Variants in AFF3 observed in about 807,000 individuals in gnomAD.
The protein encoded by AFF3 is AF4/FMR2 family member 3.
AFF3 carries 32 observed loss-of-function variants against 129.7 expected under a neutral mutation model. The observed-to-expected ratio is 0.25, with a 90% CI of 0.19 to 0.33. The LOEUF (loss-of-function observed/expected upper bound fraction) is 0.33. Ranked by LOEUF, AFF3 falls within the 10% of genes least tolerant of loss-of-function variation. The pLI is 1.00. For synonymous variants in AFF3, 644 were observed against 635.4 expected (o/e 1.01, Z -0.20); for missense variants, 1,373 against 1,592.0 (o/e 0.86, Z 2.34).
intron 12 of AFF3, among the ~76,000 whole-genome samples, chr2:99,651,371 A>G (rs1425500295): frequency 2.0e-5 from 3 of 151,830 alleles, no homozygotes; most frequent in Non-Finnish European, 4.4e-5. Context: ...GACCAGGCCT[A>G]CTCAGCATGC....
At chr2:99,619,985 C>T (rs1196442335) in intron 13 of AFF3, among the ~76,000 whole-genome samples, 1 of 152,158 alleles carries the variant, frequency 6.6e-6, no homozygotes, top group African/African-American at 2.4e-5. Context: ...GTAGAGTGAC[C>T]CAAACGGGTT....
intron 13 of AFF3, among the ~76,000 whole-genome samples, chr2:99,607,243 G>C (rs989385434): frequency 1.3e-5 from 2 of 152,082 alleles, no homozygotes; most frequent in Admixed American, 1.3e-4. Flanking sequence ...TAAAAGAAAA[G>C]ATCTGGAGGC....
intron 7 of AFF3, among the ~76,000 whole-genome samples, chr2:99,886,574 A>C (rs1693128577): frequency 6.6e-6 from 1 of 152,180 alleles, no homozygotes; most frequent in Non-Finnish European, 1.5e-5. Flanking sequence ...AAAAATGTAA[A>C]AGATGCACAT....
chr2:99,925,051 A>AT (rs761300264), intron 7 of AFF3, among the ~76,000 whole-genome samples: 3 of 151,480 alleles, frequency 2.0e-5, no homozygotes, highest in African/African-American at 4.9e-5. Context: ...AATTTTTTAC[A>AT]TTTTTTTGTA....
chr2:99,640,115 T>C (rs1684053909), intron 13 of AFF3, among the ~76,000 whole-genome samples: 1 of 152,214 alleles, frequency 6.6e-6, no homozygotes, highest in South Asian at 2.1e-4. Context: ...GAAAACAGGC[T>C]CTAGTAAAAC....
chr2:100,105,999 T>A, intron 2 of AFF3: 2 of 1,323,754 alleles, frequency 1.5e-6, no homozygotes, highest in Non-Finnish European at 2.0e-6. Flanking sequence ...ACGGGATCCC[T>A]CCAGCGTCAA....
chr2:100,028,875 A>G (rs1012265351), intron 4 of AFF3, among the ~76,000 whole-genome samples: 1 of 152,130 alleles, frequency 6.6e-6, no homozygotes, highest in Admixed American at 6.5e-5. Context: ...CAAAAAATTA[A>G]AAGTAGAATT....
chr2:100,055,109 G>A (rs1686656791), intron 4 of AFF3, among the ~76,000 whole-genome samples: 1 of 152,168 alleles, frequency 6.6e-6, no homozygotes, highest in South Asian at 2.1e-4. Flanking sequence ...TATTGAGTCT[G>A]CAGTTAACCC....
At chr2:99,637,007 G>T (rs1289409540) in intron 13 of AFF3, among the ~76,000 whole-genome samples, 1 of 152,110 alleles carries the variant, frequency 6.6e-6, no homozygotes, top group Non-Finnish European at 1.5e-5. Context: ...CTGGCTCTGG[G>T]AGTCCCAGGC....
intron 14 of AFF3, 82 bp downstream of exon 14, chr2:99,601,353 G>A (rs1349515502): frequency 8.4e-6 from 12 of 1,427,552 alleles, no homozygotes; most frequent in African/African-American, 1.4e-5. Flanking sequence ...CTGCAGCAGT[G>A]TGACAGTGAC....
intron 4 of AFF3, among the ~76,000 whole-genome samples, chr2:100,009,833 C>T (rs1447564233): frequency 6.6e-6 from 1 of 152,172 alleles, no homozygotes; most frequent in South Asian, 2.1e-4. Context: ...ATAAAGAAAT[C>T]TGGCCTCCGT....
intron 18 of AFF3, among the ~76,000 whole-genome samples, chr2:99,572,081 G>A (rs763012821): frequency 4.1e-4 from 63 of 151,922 alleles, no homozygotes; most frequent in Non-Finnish European, 7.9e-4. Flanking sequence ...GGTATTTTAT[G>A]ATGACACATG....
chr2:99,650,601 G>A lies in AFF3; in HGVS notation c.1144-935C>T, dbSNP rs181877652. On this transcript the variant is annotated intron_variant, in intron 12 of 24. Coordinates refer to ENST00000672756, the MANE Select transcript of AFF3 (RefSeq NM_001386135.1). ...AATAAAAAAATTTAAAAAATACAGT[G>A]GGAGAAGGGCAGAGTGGGTGGGCAC... Among the ~76,000 whole-genome samples, 10 of 152,104 alleles carry A rather than the reference G, an allele frequency of 6.6e-5. No homozygotes were observed. In the East Asian group the frequency reaches 1.9e-3, roughly 29 times the overall value.
intron 11 of AFF3, among the ~76,000 whole-genome samples, chr2:99,714,823 T>G (rs751523842): frequency 1.3e-5 from 2 of 152,256 alleles, no homozygotes; most frequent in Non-Finnish European, 2.9e-5. Flanking sequence ...TTTAATGTTT[T>G]CTAAGATAGT....
intron 7 of AFF3, among the ~76,000 whole-genome samples, chr2:99,876,311 A>C (rs1692293206): frequency 6.6e-6 from 1 of 152,164 alleles, no homozygotes; most frequent in Non-Finnish European, 1.5e-5. Flanking sequence ...CAGAAATCTC[A>C]AAATGTCTCA....
rs117484891 is a variant in AFF3, at chr2:99,603,264, C to G, written c.1185-1643G>C. ...AATCTGTCTTTCCTGTTGGCTGAATCGAGATGGTTACTGTCATTGGAATCA... is the reference window on the plus strand; with the variant it reads ...AATCTGTCTTTCCTGTTGGCTGAATGGAGATGGTTACTGTCATTGGAATCA... On this transcript the variant is annotated intron_variant, in intron 13 of 24. Transcript: ENST00000672756. Among the ~76,000 whole-genome samples, 891 of 151,996 alleles carry G rather than the reference C, an allele frequency of 5.9e-3. 7 individuals carry two copies. Among genetic ancestry groups the G allele is most frequent in the East Asian group, 0.018 (92 of 5,178 alleles).
At chr2:99,677,619 C>T (rs372598990) in intron 11 of AFF3, among the ~76,000 whole-genome samples, 4 of 152,224 alleles carry the variant, frequency 2.6e-5, no homozygotes, top group African/African-American at 9.6e-5. Flanking sequence ...GCAGGGAGAG[C>T]GGGCCTTGCA....
chr2:100,032,521 A>C (rs1241708960), intron 4 of AFF3, among the ~76,000 whole-genome samples: 2 of 152,194 alleles, frequency 1.3e-5, no homozygotes, highest in African/African-American at 2.4e-5. Context: ...CGAAGTTCTC[A>C]AAGTTATAAC....
chr2:99,727,548 T>C (rs1331497140), intron 10 of AFF3, among the ~76,000 whole-genome samples: 3 of 144,704 alleles, frequency 2.1e-5, no homozygotes, highest in African/African-American at 7.6e-5. Flanking sequence ...AATCAGAACT[T>C]GGAGGAAAGA....
Sources: gnomAD v4.1 joint callset for allele counts (sites outside exome capture counted in the v4.1 genomes callset) on GRCh38, gnomAD v4.1.1 for gene constraint, MANE v1.5 for transcripts, NCBI Gene and HGNC (gene_info 2026-07-23, HGNC 2026-07-21) for gene names.